USP3: variants seen among roughly 807,000 people sequenced by gnomAD.
The protein encoded by USP3 is ubiquitin specific peptidase 3, also known as ubiquitin carboxyl-terminal hydrolase 3.
A neutral mutation model predicts 72.3 loss-of-function variants in USP3; 20 were observed. The ratio of observed to expected loss-of-function variants is 0.28; its 90% CI spans 0.19 to 0.40. The LOEUF is 0.40. USP3 is among the 10% of genes least tolerant of loss of function. The pLI is 1.00. For synonymous variants in USP3, 222 were observed against 225.3 expected (o/e 0.99, Z 0.13); for missense variants, 479 against 633.9 (o/e 0.76, Z 2.62).
chr15:63,525,361 A>C (rs2065967226), intron 1 of USP3, among the ~76,000 whole-genome samples: 1 of 152,092 alleles, frequency 6.6e-6, no homozygotes, highest in Non-Finnish European at 1.5e-5. Context: ...CTTTGACCCT[A>C]AGTATCTCCT....
At chr15:63,563,057 C>T (rs2066632931) in intron 8 of USP3, 49 bp downstream of exon 8, 1 of 1,269,874 alleles carries the variant, frequency 7.9e-7, no homozygotes, top group Non-Finnish European at 1.1e-6. Flanking sequence ...AGTGTTTATA[C>T]TGTTCCTGAA....
intron 14 of USP3, among the ~76,000 whole-genome samples, chr15:63,590,128 T>C (rs1264741807): frequency 6.6e-6 from 1 of 152,108 alleles, no homozygotes; most frequent in East Asian, 1.9e-4. Flanking sequence ...TTGGTTTTGG[T>C]GGTTTATTTG....
At chr15:63,521,285 G>C (rs1450100171) in intron 1 of USP3, among the ~76,000 whole-genome samples, 1 of 151,674 alleles carries the variant, frequency 6.6e-6, no homozygotes, top group Non-Finnish European at 1.5e-5. Flanking sequence ...CCTATATGTG[G>C]GCATTTAGGT....
intron 11 of USP3, among the ~76,000 whole-genome samples, chr15:63,584,177 A>C (rs1205417093): frequency 6.9e-6 from 1 of 145,154 alleles, no homozygotes; most frequent in African/African-American, 2.6e-5. Flanking sequence ...AGCTCGCTGC[A>C]ACCTCCACCT....
In USP3 at chr15:63,584,247, G is replaced by A. The variant is rs550307124; in HGVS notation, c.1097-4058G>A. Reference sequence around the variant, plus strand: ...CTAGTAGCTGGGACTACAGGCACCCGCCACCATGCCCGGCTAATTTTTTGT... The same window carrying A: ...CTAGTAGCTGGGACTACAGGCACCCACCACCATGCCCGGCTAATTTTTTGT... On this transcript the variant is annotated intron_variant, in intron 11 of 14. Coordinates refer to ENST00000380324, the MANE Select transcript of USP3 (RefSeq NM_006537.4). Among the ~76,000 whole-genome samples, 331 of 151,794 alleles carry A rather than the reference G, an allele frequency of 2.2e-3. 1 individual carries two copies. Among genetic ancestry groups the A allele is most frequent in the Non-Finnish European group, 3.7e-3 (251 of 67,888 alleles).
intron 1 of USP3, among the ~76,000 whole-genome samples, chr15:63,511,064 A>C (rs547556046): frequency 6.6e-6 from 1 of 152,094 alleles, no homozygotes. Flanking sequence ...ATAACTGAGA[A>C]CAACATAAAG....
intron 3 of USP3, among the ~76,000 whole-genome samples, chr15:63,546,909 A>G (rs2066337652): frequency 6.6e-6 from 1 of 152,206 alleles, no homozygotes; most frequent in Non-Finnish European, 1.5e-5. Flanking sequence ...CGTCCAGCCA[A>G]TCTGTTTGCC....
chr15:63,577,837 G>C (rs544146687), intron 11 of USP3, among the ~76,000 whole-genome samples: 1 of 151,854 alleles, frequency 6.6e-6, no homozygotes, highest in Non-Finnish European at 1.5e-5. Flanking sequence ...GCTTAGGCAA[G>C]GAGGATCACT....
At chr15:63,515,007 T>C (rs1425980636) in intron 1 of USP3, among the ~76,000 whole-genome samples, 1 of 152,234 alleles carries the variant, frequency 6.6e-6, no homozygotes, top group Non-Finnish European at 1.5e-5. Context: ...GGGAAAGTTA[T>C]TTTTGAAACA....
chr15:63,560,370 C>T (rs142547011), intron 7 of USP3, among the ~76,000 whole-genome samples: 35 of 150,580 alleles, frequency 2.3e-4, no homozygotes, highest in Middle Eastern at 3.4e-3. Flanking sequence ...GAGCCGAGAT[C>T]GCGCCACTGC....
At position 63,594,311 on chromosome 15, in the gene USP3, GGTCC is replaced by G. The variant is rs1188104694; in HGVS notation, c.*3486_*3489del. ...AGTCTGTTCCTGCAGCCAAGGCCTG[GGTCC>G]CAGGTGACTAGGAGTAGCCATAGGA... On this transcript the variant is annotated 3_prime_UTR_variant, in exon 15 of 15. Coordinates refer to ENST00000380324, the MANE Select transcript of USP3 (RefSeq NM_006537.4). 6.6e-6 allele frequency: 1 copy of G among 152,228 alleles called. No individual in the cohort carries two copies. The highest frequency in any genetic ancestry group is 1.5e-5 in the Non-Finnish European group (1 of 68,086). 9.4% of individuals were successfully genotyped at this position (152,228 alleles called of 1,614,324 possible).
At chr15:63,523,618 C>T (rs1003839620) in intron 1 of USP3, among the ~76,000 whole-genome samples, 1 of 152,180 alleles carries the variant, frequency 6.6e-6, no homozygotes, top group African/African-American at 2.4e-5. Context: ...TTCCTGGTCA[C>T]TGTGCCCCTT....
In USP3 at chr15:63,544,146, AATT is replaced by A. The variant is rs1432335821; in HGVS notation, c.284+6994_284+6996del. On this transcript the variant is annotated intron_variant, in intron 3 of 14. Coordinates refer to ENST00000380324, the MANE Select transcript of USP3 (RefSeq NM_006537.4). This position sits in a 1 kb window ranked among gnomAD's most constrained non-coding sequence, Gnocchi z 4.2. ...TTTCATCTCTAGCTCATTCTTTAAA[AATT>A]ATTCTTTTTTGTAATATATAATTTA... The A allele has an allele frequency of 3.3e-5, 5 of 149,914 alleles. No homozygotes were observed. The highest frequency in any genetic ancestry group is 4.9e-5 in the African/African-American group (2 of 41,010). The allele number at this position is 149,914 out of a possible 1,614,324, so 9.3% of individuals were successfully genotyped here.
intron 14 of USP3, among the ~76,000 whole-genome samples, chr15:63,589,536 T>C (rs992227003): frequency 2.0e-5 from 3 of 152,176 alleles, no homozygotes; most frequent in Admixed American, 1.3e-4. Flanking sequence ...AGAGCTGTGA[T>C]AAAGTAACGT....
chr15:63,541,805 A>G (rs923901037), intron 3 of USP3, among the ~76,000 whole-genome samples: 2 of 152,140 alleles, frequency 1.3e-5, no homozygotes, highest in East Asian at 1.9e-4. Flanking sequence ...CCAGATGTCA[A>G]ATTTGCCCGT....
Position 63,520,997 on chromosome 15 carries a change from C to T in USP3, c.92-11650C>T, listed in dbSNP as rs187431972. ...AGCAATGTCACTACCTAATGCCGGC[C>T]GCTCACTCCTACCCACCCCCTGTAG... On this transcript the variant is annotated intron_variant, in intron 1 of 14. Coordinates refer to ENST00000380324, the MANE Select transcript of USP3 (RefSeq NM_006537.4). Among the ~76,000 whole-genome samples, 148 of 152,122 alleles carry T rather than the reference C, an allele frequency of 9.7e-4. 1 individual carries two copies. The highest frequency in any genetic ancestry group is 3.4e-3 in the Middle Eastern group (1 of 294).
intron 1 of USP3, among the ~76,000 whole-genome samples, chr15:63,511,052 A>G (rs1192073499): frequency 2.6e-5 from 4 of 152,042 alleles, no homozygotes; most frequent in Admixed American, 6.6e-5. Flanking sequence ...CTGAGTAGGA[A>G]GATAACTGAG....
chr15:63,527,618 G>A (rs1217884545), intron 1 of USP3, among the ~76,000 whole-genome samples: 1 of 152,232 alleles, frequency 6.6e-6, no homozygotes, highest in Non-Finnish European at 1.5e-5. Context: ...TTGAAGATCA[G>A]TGGCTATGTA....
At chr15:63,565,993 T>C (rs1486656410) in intron 8 of USP3, among the ~76,000 whole-genome samples, 2 of 152,246 alleles carry the variant, frequency 1.3e-5, no homozygotes. Flanking sequence ...GTATGTCATG[T>C]GCTTCTGCCC....
Sources: allele counts gnomAD v4.1 joint callset (sites outside exome capture counted in the v4.1 genomes callset), GRCh38; gene constraint gnomAD v4.1.1; non-coding constraint Gnocchi (gnomAD v3.1); transcripts MANE v1.5; gene names NCBI Gene and HGNC (gene_info 2026-07-23, HGNC 2026-07-21).